CAMKMT: variants seen among roughly 807,000 people sequenced by gnomAD.
The protein encoded by CAMKMT is calmodulin-lysine N-methyltransferase, also known as CaM KMT.
Under a neutral mutation model 48.0 loss-of-function variants are expected in CAMKMT, and 53 were observed. The ratio of observed to expected loss-of-function variants is 1.10; its 90% CI spans 0.89 to 1.39. The LOEUF (loss-of-function observed/expected upper bound fraction) is 1.39. Ranked by LOEUF, CAMKMT falls within the 40% of genes most tolerant of loss-of-function variation. CAMKMT has a pLI of 0.00. For missense variants in CAMKMT, 428 were observed against 402.7 expected (o/e 1.06, Z -0.54); for synonymous variants, 165 against 152.3 (o/e 1.08, Z -0.61).
intron 3 of CAMKMT, among the ~76,000 whole-genome samples, chr2:44,561,833 G>A (rs1668339686): frequency 6.6e-6 from 1 of 152,180 alleles, no homozygotes. Flanking sequence ...AAATGAACAA[G>A]GAAGTGGAAT....
intron 3 of CAMKMT, among the ~76,000 whole-genome samples, chr2:44,609,293 G>A (rs1671468691): frequency 6.6e-6 from 1 of 152,182 alleles, no homozygotes; most frequent in African/African-American, 2.4e-5. Context: ...TGTACAGTGT[G>A]GTTACCATAG....
chr2:44,444,737 A>C (rs573421900), intron 3 of CAMKMT, among the ~76,000 whole-genome samples: 2 of 152,300 alleles, frequency 1.3e-5, no homozygotes, highest in South Asian at 2.1e-4. Flanking sequence ...GGTGCCCATC[A>C]CCCAGAGGTT....
rs1204840623 is a variant in CAMKMT, at chr2:44,362,126, G to C, written c.119G>C (p.Arg40Pro). The change falls in exon 1 of 11, where the codon CGG becomes CCG. Residue 40 changes from arginine to proline, a missense_variant. Physicochemically the swap from Arg to Pro is moderately radical, Grantham distance 103 (BLOSUM62 -2). Transcript: ENST00000378494. ...GTCTCGGCGCCCCTGGGAGCCGCCC[G>C]GTGGAAGCTCCTGCGGCAGGTAAGG... ...PVVSAPLGAA[R>P]WKLLRQVLKQ... The C allele has an allele frequency of 1.4e-6, 2 of 1,477,258 alleles. No homozygotes were observed. Among genetic ancestry groups the C allele is most frequent in the African/African-American group, 1.5e-5 (1 of 67,750 alleles). 91.5% of individuals were successfully genotyped at this position (1,477,258 alleles called of 1,614,324 possible).
At chr2:44,676,756 G>C (rs1490762063) in intron 3 of CAMKMT, 1 of 152,258 alleles carries the variant, frequency 6.6e-6, no homozygotes, top group Non-Finnish European at 1.5e-5. Context: ...TCATCTGAGA[G>C]AGAGAACCTA....
At chr2:44,546,512 A>T (rs1377102971) in intron 3 of CAMKMT, among the ~76,000 whole-genome samples, 1 of 152,196 alleles carries the variant, frequency 6.6e-6, no homozygotes, top group Admixed American at 6.5e-5. Flanking sequence ...GACATTTGCT[A>T]ATGCTATTCC....
chr2:44,589,951 G>A (rs1670161024), intron 3 of CAMKMT, among the ~76,000 whole-genome samples: 1 of 143,384 alleles, frequency 7.0e-6, no homozygotes, highest in Non-Finnish European at 1.5e-5. Context: ...GTTTGTTGCT[G>A]GTATATAGAA....
Position 44,462,011 on chromosome 2 carries a change from A to G in CAMKMT, c.376+71706A>G, listed in dbSNP as rs111724884. Reference sequence around the variant, plus strand: ...GATGTCAAGTAGCAAATGCTTACATATTTCTACTTCCAATTATGTTTCCTT... The same window carrying G: ...GATGTCAAGTAGCAAATGCTTACATGTTTCTACTTCCAATTATGTTTCCTT... On this transcript the variant is annotated intron_variant, in intron 3 of 10. Transcript: ENST00000378494. Among the ~76,000 whole-genome samples the G allele has an allele frequency of 1.7e-3, 263 of 152,302 alleles. No homozygotes were observed. The Middle Eastern group carries it at 0.027, about 16-fold the overall frequency.
intron 6 of CAMKMT, among the ~76,000 whole-genome samples, chr2:44,711,760 C>G (rs1393655634): frequency 2.6e-5 from 4 of 152,180 alleles, no homozygotes; most frequent in Admixed American, 6.5e-5. Context: ...AATTGGGCAC[C>G]TACTGTGTGC....
rs577612439 is a variant in CAMKMT at position 44,560,224 on chromosome 2, T to C, written c.377-144059T>C. On this transcript the variant is annotated intron_variant, in intron 3 of 10. Coordinates refer to ENST00000378494, the MANE Select transcript of CAMKMT (RefSeq NM_024766.5). The stretch of plus-strand genomic sequence containing the variant: ...TTAGTCTTGTCCATAAGAATCTATC[T>C]GAGGCTTAGTTAAATGTCTTCTTGG... Among the ~76,000 whole-genome samples, 5 of 152,324 alleles carry C rather than the reference T, an allele frequency of 3.3e-5. No individual in the cohort carries two copies. In the South Asian group the frequency reaches 1.0e-3, roughly 32 times the overall value.
chr2:44,452,808 AT>A (rs1385677640), intron 3 of CAMKMT, among the ~76,000 whole-genome samples: 1 of 152,010 alleles, frequency 6.6e-6, no homozygotes, highest in Non-Finnish European at 1.5e-5. Flanking sequence ...CATTAGGTAT[AT>A]TTACAAGTCA....
At chr2:44,559,701 G>A (rs371741658) in intron 3 of CAMKMT, among the ~76,000 whole-genome samples, 1 of 152,092 alleles carries the variant, frequency 6.6e-6, no homozygotes, top group Admixed American at 6.6e-5. Context: ...GGATAATTAT[G>A]GAGGAGGGGA....
At chr2:44,424,120 C>G (rs1229493909) in intron 3 of CAMKMT, among the ~76,000 whole-genome samples, 1 of 152,026 alleles carries the variant, frequency 6.6e-6, no homozygotes, top group African/African-American at 2.4e-5. Context: ...CTTTTCTCGT[C>G]CTCTTATACT....
rs1667566455 is a variant in CAMKMT at position 44,456,428 on chromosome 2, C to A, written c.376+66123C>A. 2.9e-6 allele frequency: 3 copies of A among 1,034,132 alleles called. No homozygotes were observed. The South Asian group carries it at 6.5e-5, about 22-fold the overall frequency. 64.1% of individuals were successfully genotyped at this position (1,034,132 alleles called of 1,614,324 possible). On this transcript the variant is annotated intron_variant, in intron 3 of 10. Transcript: ENST00000378494. ...GTAGAAGAATATTTAGGTCTTTTAG[C>A]CCTCTTACCCTCTATTTCTCAGAAT... is the stretch of plus-strand genomic sequence containing the variant.
intron 6 of CAMKMT, among the ~76,000 whole-genome samples, chr2:44,712,380 C>T (rs1252127216): frequency 6.6e-6 from 1 of 151,968 alleles, no homozygotes; most frequent in Non-Finnish European, 1.5e-5. Flanking sequence ...TAAATAATTG[C>T]TAATTGCAGG....
At chr2:44,374,422 C>G (rs917590616) in intron 2 of CAMKMT, among the ~76,000 whole-genome samples, 3 of 152,124 alleles carry the variant, frequency 2.0e-5, no homozygotes, top group Non-Finnish European at 4.4e-5. Context: ...AAATGAAAGA[C>G]AAGAAAGGAC....
intron 3 of CAMKMT, among the ~76,000 whole-genome samples, chr2:44,421,505 A>G (rs1683934691): frequency 6.6e-6 from 1 of 152,202 alleles, no homozygotes; most frequent in South Asian, 2.1e-4. Context: ...ACACATTAAA[A>G]GATGACATCG....
chr2:44,520,055 C>A (rs1201476708), intron 3 of CAMKMT, among the ~76,000 whole-genome samples: 35 of 138,502 alleles, frequency 2.5e-4, no homozygotes, highest in Admixed American at 5.8e-4. Flanking sequence ...ACTAAAAATA[C>A]AAAAAAAAAA....
intron 3 of CAMKMT, among the ~76,000 whole-genome samples, chr2:44,552,064 C>G (rs977112323): frequency 6.6e-6 from 1 of 151,976 alleles, no homozygotes; most frequent in Non-Finnish European, 1.5e-5. Context: ...GTAGTGAAAT[C>G]TGGGCGTTGA....
At chr2:44,478,341 G>T (rs1314846164) in intron 3 of CAMKMT, among the ~76,000 whole-genome samples, 2 of 152,048 alleles carry the variant, frequency 1.3e-5, no homozygotes, top group African/African-American at 4.8e-5. Context: ...ACAGATATAG[G>T]TTTAGAGTTT....
Sources: gnomAD v4.1 joint callset for allele counts (sites outside exome capture counted in the v4.1 genomes callset) on GRCh38, gnomAD v4.1.1 for gene constraint, MANE v1.5 for transcripts, NCBI Gene and HGNC (gene_info 2026-07-23, HGNC 2026-07-21) for gene names.